PLEKHH2: variants seen among roughly 807,000 people sequenced by gnomAD.
PLEKHH2 encodes pleckstrin homology, MyTH4 and FERM domain containing H2, also known as pleckstrin homology domain-containing family H member 2.
Under a neutral mutation model 187.9 loss-of-function variants are expected in PLEKHH2, and 129 were observed. That is an observed-to-expected ratio of 0.69 (90% CI 0.59 to 0.79). PLEKHH2 has a LOEUF of 0.79. Ranked by LOEUF, PLEKHH2 falls within the 30% of genes least tolerant of loss-of-function variation. The probability of loss-of-function intolerance (pLI) is 0.00; values close to 1 mark genes in which losing one functional copy is unlikely to be tolerated. For missense variants in PLEKHH2, 2,076 were observed against 1,751.2 expected, an observed-to-expected ratio of 1.19 and a Z score of -3.31; for synonymous variants, 686 against 605.6, an observed-to-expected ratio of 1.13 and a Z score of -1.95.
intron 9 of PLEKHH2, among the ~76,000 whole-genome samples, chr2:43,705,940 G>A (rs1054716469): frequency 5.7e-4 from 87 of 152,176 alleles, no homozygotes; most frequent in Admixed American, 5.6e-3. Context: ...GCTGGTAATA[G>A]GGTTATGAAT....
At chr2:43,713,435 T>TA (rs1670064115) in intron 15 of PLEKHH2, among the ~76,000 whole-genome samples, 2 of 151,974 alleles carry the variant, frequency 1.3e-5, no homozygotes, top group South Asian at 4.1e-4. Context: ...GGTATAGCTT[T>TA]AAAAAATGTT....
intron 7 of PLEKHH2, among the ~76,000 whole-genome samples, chr2:43,697,804 G>A (rs1346513004): frequency 1.3e-5 from 2 of 151,762 alleles, no homozygotes; most frequent in Non-Finnish European, 2.9e-5. Context: ...CATTGGCATA[G>A]CAAACTTCTA....
chr2:43,738,272 C>T (rs1045560060), intron 19 of PLEKHH2, 69 bp from the exon 20 acceptor site: 16 of 1,260,630 alleles, frequency 1.3e-5, no homozygotes, highest in Middle Eastern at 2.0e-4. Flanking sequence ...AAAAGATATT[C>T]GATATAATTC....
At chr2:43,712,103 A>T in intron 14 of PLEKHH2, 122 bp from the exon 15 acceptor site, 1 of 1,359,486 alleles carries the variant, frequency 7.4e-7, no homozygotes, top group South Asian at 1.4e-5. Context: ...AGAAACTGGG[A>T]CTTGAGATTT....
In PLEKHH2 at chr2:43,724,452, G is replaced by C. The variant is rs887937496; in HGVS notation, c.2542-1820G>C. ...GACCGTGTATTTTCCTGGAATAAAGGTACTAAATTAGAGCAAAAGTTTTAC... is the reference window on the plus strand; with the variant it reads ...GACCGTGTATTTTCCTGGAATAAAGCTACTAAATTAGAGCAAAAGTTTTAC... On this transcript the variant is annotated intron_variant, in intron 16 of 29. Coordinates refer to ENST00000282406, the MANE Select transcript of PLEKHH2 (RefSeq NM_172069.4). 2.0e-5 allele frequency among the ~76,000 whole-genome samples: 3 copies of C among 152,172 alleles called. 1 individual carries two copies. Among genetic ancestry groups the C allele is most frequent in the East Asian group, 3.8e-4 (2 of 5,202 alleles).
chr2:43,676,380 G>A, intron 2 of PLEKHH2: 1 of 1,415,774 alleles, frequency 7.1e-7, no homozygotes, highest in Non-Finnish European at 9.5e-7. Context: ...CGGGTCCTGG[G>A]GTCCCGCGCC....
At chr2:43,696,713 G>A (rs1558508569) in intron 6 of PLEKHH2, among the ~76,000 whole-genome samples, 1 of 152,078 alleles carries the variant, frequency 6.6e-6, no homozygotes, top group Non-Finnish European at 1.5e-5. Context: ...GTTATCATGG[G>A]ATGGTTGCCC....
At chr2:43,694,342 A>T in intron 4 of PLEKHH2, 89 bp from the exon 5 acceptor site, 1 of 1,371,926 alleles carries the variant, frequency 7.3e-7, no homozygotes, top group Non-Finnish European at 9.7e-7. Flanking sequence ...ATCAAGTTTT[A>T]AGTGGATATG....
chr2:43,751,109 T>G (rs1671992990), intron 24 of PLEKHH2, among the ~76,000 whole-genome samples: 1 of 152,210 alleles, frequency 6.6e-6, no homozygotes, highest in African/African-American at 2.4e-5. Context: ...CCTCTAGGGT[T>G]GTCTGAAGGA....
intron 24 of PLEKHH2, among the ~76,000 whole-genome samples, chr2:43,749,417 C>T (rs540848701): frequency 5.4e-4 from 83 of 152,304 alleles, no homozygotes; most frequent in African/African-American, 1.8e-3. Context: ...ATGCGTAAAA[C>T]CAAGCAGCTC....
chr2:43,713,674 T>TA (rs35403368), intron 15 of PLEKHH2, among the ~76,000 whole-genome samples: 1 of 151,446 alleles, frequency 6.6e-6, no homozygotes, highest in East Asian at 1.9e-4. Flanking sequence ...TTTTTTTTTT[T>TA]ACAATGAGTA....
chr2:43,654,711 C>CT (rs149765491), intron 2 of PLEKHH2, among the ~76,000 whole-genome samples: 26,833 of 143,418 alleles, frequency 0.19, 2,987 homozygotes, highest in Middle Eastern at 0.29. Flanking sequence ...GACACCCCCC[C>CT]CCCCCGCATC....
intron 27 of PLEKHH2, among the ~76,000 whole-genome samples, chr2:43,760,090 C>A (rs1672363707): frequency 6.6e-6 from 1 of 152,048 alleles, no homozygotes; most frequent in South Asian, 2.1e-4. Flanking sequence ...TTTAAAATTA[C>A]AAGGAATAGA....
At chr2:43,764,099 G>C in intron 28 of PLEKHH2, 129 bp from the exon 29 acceptor site, 1 of 532,970 alleles carries the variant, frequency 1.9e-6, no homozygotes, top group Non-Finnish European at 2.9e-6. Context: ...TTTTATTTTA[G>C]AAAATAATTT....
chr2:43,690,931 A>T (rs1668760227), intron 3 of PLEKHH2, among the ~76,000 whole-genome samples: 1 of 152,250 alleles, frequency 6.6e-6, no homozygotes, highest in Non-Finnish European at 1.5e-5. Context: ...GAAAATCTAA[A>T]CTTTACTATG....
At position 43,766,263 on chromosome 2, in the gene PLEKHH2, A is replaced by T. The variant is rs550083180; in HGVS notation, c.*665A>T. On this transcript the variant is annotated 3_prime_UTR_variant, in exon 30 of 30. Coordinates refer to ENST00000282406, the MANE Select transcript of PLEKHH2 (RefSeq NM_172069.4). Reference sequence around the variant, plus strand: ...ACTGGAGTGTAAAATTTAAAACAAGATGGTGATTCCTGACATTCCTTGGCT... The same window carrying T: ...ACTGGAGTGTAAAATTTAAAACAAGTTGGTGATTCCTGACATTCCTTGGCT... The T allele has an allele frequency of 2.0e-5, 3 of 152,898 alleles. No individual in the cohort carries two copies. Among genetic ancestry groups the T allele is most frequent in the Non-Finnish European group, 4.4e-5 (3 of 68,028 alleles). The allele number at this position is 152,898 out of a possible 1,614,324, so 9.5% of individuals were successfully genotyped here.
At chr2:43,685,088 T>A (rs926226914) in intron 3 of PLEKHH2, among the ~76,000 whole-genome samples, 1 of 152,218 alleles carries the variant, frequency 6.6e-6, no homozygotes, top group African/African-American at 2.4e-5. Context: ...AGTAACTGAA[T>A]CCTTCGCCAT....
chr2:43,696,238 C>T (rs1669082879), intron 6 of PLEKHH2, among the ~76,000 whole-genome samples: 1 of 152,042 alleles, frequency 6.6e-6, no homozygotes, highest in Admixed American at 6.6e-5. Flanking sequence ...TTTGGGAGGC[C>T]AAGGTGAGAG....
intron 20 of PLEKHH2, 106 bp downstream of exon 20, chr2:43,738,626 C>A: frequency 1.8e-6 from 2 of 1,129,908 alleles, no homozygotes; most frequent in Admixed American, 2.8e-5. Context: ...ACAAAAAGTG[C>A]AGAAGGAAAA....
Sources: allele counts gnomAD v4.1 joint callset (sites outside exome capture counted in the v4.1 genomes callset), GRCh38; gene constraint gnomAD v4.1.1; transcripts MANE v1.5; gene names NCBI Gene and HGNC (gene_info 2026-07-23, HGNC 2026-07-21).